The following NAA11 variants were observed in gnomAD, a reference collection of about 807,000 sequenced individuals.
NAA11 encodes the protein N-alpha-acetyltransferase 11, NatA catalytic subunit.
In NAA11, 15 loss-of-function variants were observed where a neutral mutation model predicts 16.1. The ratio of observed to expected loss-of-function variants is 0.93; its 90% CI spans 0.62 to 1.44. The LOEUF is 1.44. NAA11 is among the 40% of genes most tolerant of loss of function. The pLI is 0.00. For missense variants in NAA11, 298 were observed against 291.3 expected (o/e 1.02, Z -0.17); for synonymous variants, 122 against 112.4 (o/e 1.09, Z -0.54).
intron 2 of NAA11, among the ~76,000 whole-genome samples, chr4:79,287,715 G>T (rs1722974679): frequency 1.3e-5 from 2 of 151,736 alleles, no homozygotes; most frequent in South Asian, 2.1e-4. Context: ...GAGAGAGAGA[G>T]CACCCCTGGA....
chr4:79,294,897 C>T lies in NAA11; in HGVS notation c.*13-783G>A, dbSNP rs140698533. ...TTATTGCCTATTTTTGTATAATTTA[C>T]GCCTATAGTTCATCCCCATTCCCTC... is the stretch of plus-strand genomic sequence containing the variant. On this transcript the variant is annotated intron_variant and NMD_transcript_variant, in intron 1 of 2. Coordinates refer to the NAA11 transcript ENST00000511542. Among the ~76,000 whole-genome samples, 379 of 152,220 alleles carry T rather than the reference C, an allele frequency of 2.5e-3. 1 individual carries two copies. The highest frequency in any genetic ancestry group is 8.3e-3 in the African/African-American group (344 of 41,538).
At chr4:79,188,536 G>T in the NAA11 span, among the ~76,000 whole-genome samples, 2 of 150,780 alleles carry the variant, frequency 1.3e-5, no homozygotes, top group African/African-American at 2.4e-5. Flanking sequence ...AGTGAGCCGA[G>T]ATCTCGCCAC....
chr4:79,179,015 C>G, the NAA11 span, among the ~76,000 whole-genome samples: 624 of 152,218 alleles, frequency 4.1e-3, no homozygotes, highest in Non-Finnish European at 6.1e-3. Flanking sequence ...CTTGTAGTGT[C>G]TGTATCATCA....
the NAA11 span, among the ~76,000 whole-genome samples, chr4:79,203,520 T>G: frequency 6.6e-6 from 1 of 151,748 alleles, no homozygotes; most frequent in Non-Finnish European, 1.5e-5. Flanking sequence ...CAAAATGAAT[T>G]ATAAGATGCA....
At chr4:79,261,215 C>T (rs1182282049) in intron 2 of NAA11, among the ~76,000 whole-genome samples, 1 of 152,190 alleles carries the variant, frequency 6.6e-6, no homozygotes, top group Non-Finnish European at 1.5e-5. Flanking sequence ...TTCTTGATGA[C>T]ATTGGAAAAT....
chr4:79,209,591 T>G, the NAA11 span, among the ~76,000 whole-genome samples: 1 of 152,174 alleles, frequency 6.6e-6, no homozygotes, highest in Admixed American at 6.5e-5. Context: ...ACTATTGTCC[T>G]GATAAATTTT....
intron 1 of NAA11, among the ~76,000 whole-genome samples, chr4:79,323,641 A>C (rs1248992369): frequency 1.3e-5 from 2 of 152,168 alleles, no homozygotes; most frequent in African/African-American, 4.8e-5. Context: ...TAACACAGTG[A>C]AACCCCGTCT....
intron 1 of NAA11, chr4:79,305,136 C>T (rs765423504): frequency 1.7e-4 from 26 of 152,138 alleles, no homozygotes; most frequent in African/African-American, 4.6e-4. Context: ...AGAATGCTGC[C>T]GGGACTGACC....
At chr4:79,297,329 G>A (rs1723252429) in intron 1 of NAA11, among the ~76,000 whole-genome samples, 1 of 152,202 alleles carries the variant, frequency 6.6e-6, no homozygotes, top group African/African-American at 2.4e-5. Flanking sequence ...GTCAGGCACA[G>A]AGGAGTGGAC....
chr4:79,248,059 CTA>C lies in NAA11; in HGVS notation c.*123-21791_*123-21790del, dbSNP rs1721883830. On this transcript the variant is annotated intron_variant and NMD_transcript_variant, in intron 2 of 2. Coordinates refer to the NAA11 transcript ENST00000511542. ...CCTGAACAGAGCAGGGCAATCTTGC[CTA>C]TGAGATGAGGCCAGTCTGACCTGAG... Among the ~76,000 whole-genome samples the C allele has an allele frequency of 2.0e-5, 3 of 152,288 alleles. No homozygotes were observed. The South Asian group carries it at 6.2e-4, about 32-fold the overall frequency.
intron 2 of NAA11, among the ~76,000 whole-genome samples, chr4:79,279,404 C>A (rs996095897): frequency 2.0e-5 from 3 of 152,106 alleles, no homozygotes; most frequent in Non-Finnish European, 2.9e-5. Context: ...GTCTGACCAG[C>A]TCTTTTAAGT....
exon 3 of NAA11, chr4:79,225,934 T>G (rs1721299171): frequency 6.6e-6 from 1 of 152,064 alleles, no homozygotes; most frequent in African/African-American, 2.4e-5. Flanking sequence ...AACACACACA[T>G]TCTGCCCTTT....
chr4:79,215,945 T>C, the NAA11 span, among the ~76,000 whole-genome samples: 1 of 152,316 alleles, frequency 6.6e-6, no homozygotes, highest in African/African-American at 2.4e-5. Flanking sequence ...TATTATTAAC[T>C]ATTATTGACT....
At chr4:79,196,923 G>A in the NAA11 span, among the ~76,000 whole-genome samples, 1 of 116,132 alleles carries the variant, frequency 8.6e-6, no homozygotes, top group Non-Finnish European at 1.6e-5. Flanking sequence ...ATGAACCAGG[G>A]AATGTGGACC....
intron 2 of NAA11, among the ~76,000 whole-genome samples, chr4:79,247,739 C>T (rs115007018): frequency 8.7e-4 from 133 of 152,256 alleles, no homozygotes; most frequent in African/African-American, 3.0e-3. Flanking sequence ...TGCACTGAGA[C>T]TCATTCCTGG....
Position 79,295,966 on chromosome 4 carries a change from T to C in NAA11, c.*13-1852A>G, listed in dbSNP as rs573128897. On this transcript the variant is annotated intron_variant and NMD_transcript_variant, in intron 1 of 2. Transcript: ENST00000511542. The stretch of plus-strand genomic sequence containing the variant: ...ATTAGGTGAAGCCTGTCTAGTTGTT[T>C]ATATTCATTCTTGAGCTAAGCTAAT... 1.8e-4 allele frequency among the ~76,000 whole-genome samples: 28 copies of C among 152,358 alleles called. No homozygotes were observed. In the South Asian group the frequency reaches 2.5e-3, roughly 14 times the overall value.
chr4:79,160,040 G>A, the NAA11 span, among the ~76,000 whole-genome samples: 857 of 149,200 alleles, frequency 5.7e-3, 5 homozygotes, highest in Middle Eastern at 0.066. Context: ...TGCCCAGGCT[G>A]GAGTGCAATG....
intron 1 of NAA11, among the ~76,000 whole-genome samples, chr4:79,297,704 G>A (rs75819517): frequency 0.033 from 5,021 of 152,312 alleles, 304 homozygotes; most frequent in African/African-American, 0.11. Context: ...CAATAAGCAC[G>A]TGGTGGGGGG....
the NAA11 span, among the ~76,000 whole-genome samples, chr4:79,185,872 TAAAAA>T: frequency 6.9e-6 from 1 of 144,252 alleles, no homozygotes; most frequent in Non-Finnish European, 1.5e-5. Flanking sequence ...AGAATGAAAT[TAAAAA>T]AAAAAAAACT....
Sources: allele counts gnomAD v4.1 joint callset (sites outside exome capture counted in the v4.1 genomes callset), GRCh38; gene constraint gnomAD v4.1.1; transcripts MANE v1.5; gene names NCBI Gene and HGNC (gene_info 2026-07-23, HGNC 2026-07-21).